The following HELQ variants were observed in gnomAD, a reference collection of about 807,000 sequenced individuals.
HELQ encodes helicase, POLQ like.
Under a neutral mutation model 111.6 loss-of-function variants are expected in HELQ, and 77 were observed. The observed-to-expected ratio is 0.69, with a 90% confidence interval of 0.57 to 0.83. The LOEUF is 0.83. HELQ is among the 40% of genes least tolerant of loss of function. The probability of loss-of-function intolerance (pLI) is 0.00; values close to 1 mark genes in which losing one functional copy is unlikely to be tolerated. For synonymous variants in HELQ, 438 were observed against 454.7 expected (o/e 0.96, Z 0.47); for missense variants, 1,200 against 1,288.5 (o/e 0.93, Z 1.05).
chr4:83,429,015 T>C (rs965843936), intron 12 of HELQ, among the ~76,000 whole-genome samples: 4 of 152,068 alleles, frequency 2.6e-5, no homozygotes, highest in African/African-American at 9.7e-5. Flanking sequence ...CCTTATTCTC[T>C]ATATACTTCT....
intron 8 of HELQ, among the ~76,000 whole-genome samples, chr4:83,438,566 T>C (rs1308296550): frequency 2.6e-5 from 4 of 151,702 alleles, no homozygotes; most frequent in African/African-American, 7.3e-5. Context: ...CATGGTGAAA[T>C]ACTATCTCCA....
intron 1 of HELQ, 198 bp downstream of exon 1, chr4:83,455,199 C>A: frequency 2.6e-6 from 3 of 1,172,038 alleles, no homozygotes; most frequent in Non-Finnish European, 3.5e-6. Context: ...CTGCTGCGTG[C>A]ACAACTTTTA....
Position 83,448,789 on chromosome 4 carries a change from T to C in HELQ, c.1185A>G (p.Gln395=). Residue 395 remains glutamine, a synonymous_variant, in exon 3 of 18, where the codon CAA becomes CAG. Transcript: ENST00000295488. ...LMILPYVAIV[Q]EKISGLSSFG... is the part of the protein sequence containing the mutation. Reference sequence around the variant, plus strand: ...AACATACACACACACACACCTTTTCTTGGACAATTGCCACATATGGAAGAA... The same window carrying C: ...AACATACACACACACACACCTTTTCCTGGACAATTGCCACATATGGAAGAA... 6.2e-7 allele frequency: 1 copy of C among 1,612,528 alleles called. No homozygotes were observed. The highest frequency in any genetic ancestry group is 8.5e-7 in the Non-Finnish European group (1 of 1,179,190).
chr4:83,443,226 A>G (rs1240378915), intron 6 of HELQ, among the ~76,000 whole-genome samples: 1 of 152,202 alleles, frequency 6.6e-6, no homozygotes, highest in Non-Finnish European at 1.5e-5. Flanking sequence ...AGTTTACAGA[A>G]TAAGAAGTGA....
chr4:83,438,074 C>G (rs1578091303), intron 8 of HELQ, among the ~76,000 whole-genome samples: 1 of 152,144 alleles, frequency 6.6e-6, no homozygotes, highest in Non-Finnish European at 1.5e-5. Flanking sequence ...AAATGAGCAA[C>G]TCCTTCATCT....
intron 17 of HELQ, among the ~76,000 whole-genome samples, chr4:83,415,942 C>G (rs1739332071): frequency 1.4e-5 from 2 of 138,928 alleles, no homozygotes; most frequent in Non-Finnish European, 1.5e-5. Flanking sequence ...CCACCGAACC[C>G]AGCCATTTTT....
chr4:83,407,431 T>A lies in HELQ; in HGVS notation c.*22A>T. 6.9e-7 allele frequency: 1 copy of A among 1,444,796 alleles called. No individual in the cohort carries two copies. Among genetic ancestry groups the A allele is most frequent in the Admixed American group, 2.1e-5 (1 of 48,230 alleles). The allele number at this position is 1,444,796 out of a possible 1,614,324, so 89.5% of individuals were successfully genotyped here. A position where few individuals can be genotyped will look rare whatever the true frequency, so the allele number is the denominator to read the frequency against. On this transcript the variant is annotated 3_prime_UTR_variant, in exon 18 of 18. Transcript: ENST00000295488. ...ACATGTACAATAAATAATTCATATA[T>A]GAAAATTCTCATCAGATAGCTTCAT...
chr4:83,413,441 C>G (rs1739208085), intron 17 of HELQ, among the ~76,000 whole-genome samples: 1 of 152,066 alleles, frequency 6.6e-6, no homozygotes, highest in African/African-American at 2.4e-5. Flanking sequence ...ACAAAAAAGA[C>G]TTTGAGTTTT....
In HELQ at chr4:83,439,965, G is replaced by C. The variant is rs762843191; in HGVS notation, c.1706C>G (p.Ala569Gly). The change falls in exon 8 of 18, where the codon GCA becomes GGA. Residue 569 changes from alanine (A) to glycine (G), a missense_variant. Physicochemically the swap from Ala to Gly is moderately conservative, Grantham distance 60. Around this residue, in one of 3 missense-constraint regions of HELQ, gnomAD observed 585 missense variants for 665.3 expected, o/e 0.88. Transcript: ENST00000295488. Reference protein sequence around the residue: ...LKKMDPDHLVALVTEVIPNYS... With the variant: ...LKKMDPDHLVGLVTEVIPNYS... ...ATTGGGAATAACTTCTGTCACCAATGCTACCAAGTGATCAGGATCCATCTT... is the reference window on the plus strand; with the variant it reads ...ATTGGGAATAACTTCTGTCACCAATCCTACCAAGTGATCAGGATCCATCTT... The C allele has an allele frequency of 6.2e-7, 1 of 1,611,320 alleles. No homozygotes were observed. The highest frequency in any genetic ancestry group is 8.5e-7 in the Non-Finnish European group (1 of 1,177,880).
chr4:83,413,202 TG>T (rs1475936624), intron 17 of HELQ, among the ~76,000 whole-genome samples: 1 of 152,198 alleles, frequency 6.6e-6, no homozygotes, highest in Non-Finnish European at 1.5e-5. Context: ...CATGTTTTCC[TG>T]AGTTTCGTGA....
chr4:83,423,548 TG>T (rs1473143638), intron 14 of HELQ, among the ~76,000 whole-genome samples: 1 of 152,190 alleles, frequency 6.6e-6, no homozygotes, highest in Non-Finnish European at 1.5e-5. Flanking sequence ...TTTCTTAGAA[TG>T]TATTTCCTAA....
At chr4:83,453,203 A>AT in intron 2 of HELQ, 28 bp downstream of exon 2, 1 of 1,466,052 alleles carries the variant, frequency 6.8e-7, no homozygotes, top group African/African-American at 1.4e-5. Context: ...TAGGAAAAAA[A>AT]TTTTTTTATT....
At chr4:83,445,012 G>GGTGGT in intron 5 of HELQ, among the ~76,000 whole-genome samples, 2 of 152,196 alleles carry the variant, frequency 1.3e-5, no homozygotes, top group African/African-American at 4.8e-5. Flanking sequence ...CTGAACTAAA[G>GGTGGT]ACTTAGTGGT....
Position 83,453,792 on chromosome 4 carries a change from C to G in HELQ, c.451G>C (p.Glu151Gln), listed in dbSNP as rs1163330865. The stretch of plus-strand genomic sequence containing the variant: ...ATGCTGAGTTTGTTTTTGATACTTT[C>G]CGAGCAAAGATTTTCAGTGGCAAAG... ...TDFATENLCS[E>Q]SIKNKLSITT... The change falls in exon 2 of 18, where the codon GAA (glutamate) becomes CAA (glutamine). Residue 151 changes from glutamate (E) to glutamine (Q), a missense_variant. By Grantham distance (29) the Glu-to-Gln change is conservative. Transcript: ENST00000295488. 6.2e-7 allele frequency: 1 copy of G among 1,613,964 alleles called. No individual in the cohort carries two copies. The highest frequency in any genetic ancestry group is 8.5e-7 in the Non-Finnish European group (1 of 1,180,024).
rs142889146 is a variant in HELQ at position 83,435,027 on chromosome 4, G to A, written c.2048+1831C>T. Among the ~76,000 whole-genome samples the A allele has an allele frequency of 3.7e-3, 559 of 152,266 alleles. 3 individuals carry two copies. Among genetic ancestry groups the A allele is most frequent in the Middle Eastern group, 0.014 (4 of 294 alleles). ...CCTATGAATGAAAAGTAGTACTGTT[G>A]GGATTGTAAAATCAAACTTCCTGGG... On this transcript the variant is annotated intron_variant, in intron 9 of 17. Transcript: ENST00000295488.
Position 83,455,405 on chromosome 4 carries a change from C to T in HELQ, c.289G>A (p.Gly97Arg), listed in dbSNP as rs1310856658. The T allele has an allele frequency of 6.2e-7, 1 of 1,611,660 alleles. No individual in the cohort carries two copies. Among genetic ancestry groups the T allele is most frequent in the South Asian group, 1.1e-5 (1 of 91,060 alleles). The change falls in exon 1 of 18, where the codon GGA becomes AGA. Residue 97 changes from glycine (G) to arginine (R), a missense_variant. Physicochemically the swap from Gly to Arg is moderately radical, Grantham distance 125 (BLOSUM62 -2). Around this residue, in one of 3 missense-constraint regions of HELQ, gnomAD observed 610 missense variants for 607.1 expected, o/e 1.00. Transcript: ENST00000295488. ...LRHMPTDRGVGDQPNDSEVDM... is the reference protein window; with the variant it reads ...LRHMPTDRGVRDQPNDSEVDM... ...TTCCAAGTCCTCCGTACCTGGTCTC[C>T]CACCCCTCTGTCAGTGGGCATGTGA...
chr4:83,432,040 A>T, intron 10 of HELQ, 86 bp downstream of exon 10: 1 of 813,536 alleles, frequency 1.2e-6, no homozygotes, highest in Non-Finnish European at 1.8e-6. Context: ...ATTAATAATT[A>T]ATTTTTAAAA....
rs1167506870 is a variant in HELQ, at chr4:83,429,600, T to C, written c.2442A>G (p.Lys814=). ...RYLTEKGLLQ[K]DTIYKSEEEV... is the part of the protein sequence containing the mutation. ...CTTCTTCAGACTTATAAATAGTGTC[T>C]TTTTGTAGGAGTCCTTTTTCTGTCA... Residue 814 remains lysine (K), a synonymous_variant, in exon 12 of 18, where the codon AAA becomes AAG. Transcript: ENST00000295488. The C allele has an allele frequency of 1.9e-6, 3 of 1,613,158 alleles. No individual in the cohort carries two copies. The highest frequency in any genetic ancestry group is 2.5e-6 in the Non-Finnish European group (3 of 1,179,368).
At chr4:83,436,729 A>C (rs1720479622) in intron 9 of HELQ, 129 bp downstream of exon 9, 1 of 885,112 alleles carries the variant, frequency 1.1e-6, no homozygotes, top group Non-Finnish European at 1.7e-6. Flanking sequence ...CAACCAATCA[A>C]CTCAGCATAT....
Sources: gnomAD v4.1 joint callset for allele counts (sites outside exome capture counted in the v4.1 genomes callset) on GRCh38, gnomAD v4.1.1 for gene constraint, gnomAD v4.1.1 regional missense constraint, MANE v1.5 for transcripts, NCBI Gene and HGNC (gene_info 2026-07-23, HGNC 2026-07-21) for gene names.